Variants in HDAC4 observed in about 807,000 individuals in gnomAD.
The protein encoded by HDAC4 is histone deacetylase A.
A neutral mutation model predicts 135.1 loss-of-function variants in HDAC4; 16 were observed. The ratio of observed to expected loss-of-function variants is 0.12; its 90% confidence interval spans 0.08 to 0.18. HDAC4 has a LOEUF of 0.18. Among genes scored for constraint, HDAC4 ranks in the 10% least tolerant of loss-of-function variants. HDAC4 has a pLI of 1.00. For missense variants in HDAC4, 1,143 were observed against 1,511.8 expected, an observed-to-expected ratio of 0.76 and a Z score of 4.05; for synonymous variants, 685 against 653.4, an observed-to-expected ratio of 1.05 and a Z score of -0.74.
intron 1 of HDAC4, among the ~76,000 whole-genome samples, chr2:239,381,171 C>T (rs1157385486): frequency 5.9e-5 from 9 of 152,256 alleles, no homozygotes; most frequent in Non-Finnish European, 1.2e-4. Context: ...GACCGCCTTC[C>T]TCAATCACTA....
At chr2:239,205,318 AC>A (rs1355820021) in intron 3 of HDAC4, among the ~76,000 whole-genome samples, 2 of 152,322 alleles carry the variant, frequency 1.3e-5, no homozygotes, top group African/African-American at 4.8e-5. Context: ...TCAAAGCGAA[AC>A]AGCAGACCGC....
At chr2:239,170,428 T>G (rs2152988203) in intron 5 of HDAC4, among the ~76,000 whole-genome samples, 1 of 152,322 alleles carries the variant, frequency 6.6e-6, no homozygotes, top group East Asian at 1.9e-4. Flanking sequence ...TTGGAAAAAC[T>G]TCAAATCTAG....
chr2:239,192,612 A>G (rs1445157015), intron 3 of HDAC4, among the ~76,000 whole-genome samples: 1 of 152,122 alleles, frequency 6.6e-6, no homozygotes, highest in Non-Finnish European at 1.5e-5. Flanking sequence ...CGGCTCTCAC[A>G]AGCACGGCGG....
chr2:239,314,754 G>T (rs115147307), intron 2 of HDAC4, among the ~76,000 whole-genome samples: 6 of 152,168 alleles, frequency 3.9e-5, no homozygotes, highest in Admixed American at 3.3e-4. Context: ...AGCTGGAGAC[G>T]TTAGAGGACT....
At chr2:239,061,217 TG>T (rs1372982401) in intron 24 of HDAC4, among the ~76,000 whole-genome samples, 1 of 152,036 alleles carries the variant, frequency 6.6e-6, no homozygotes, top group Non-Finnish European at 1.5e-5. Context: ...TGTGCGTGTG[TG>T]GTGTGTGTGT....
At chr2:239,372,988 T>G (rs1694741481) in intron 1 of HDAC4, among the ~76,000 whole-genome samples, 1 of 152,096 alleles carries the variant, frequency 6.6e-6, no homozygotes, top group Non-Finnish European at 1.5e-5. Flanking sequence ...TAGCCAAGCA[T>G]TCTCCCACTC....
rs777143036 is a variant in HDAC4 at position 239,331,852 on chromosome 2, G to A, written c.22+20826C>T. Reference sequence around the variant, plus strand: ...AGAGGCTGAGGAGCGGAGCAGCACCGGACGGCTCGGACCCTGGGAAACGAA... The same window carrying A: ...AGAGGCTGAGGAGCGGAGCAGCACCAGACGGCTCGGACCCTGGGAAACGAA... On this transcript the variant is annotated intron_variant, in intron 2 of 26. Transcript: ENST00000543185. This position sits in a 1 kb window ranked among gnomAD's most constrained non-coding sequence, Gnocchi z 4.5. Among the ~76,000 whole-genome samples, 5 of 152,164 alleles carry A rather than the reference G, an allele frequency of 3.3e-5. No homozygotes were observed. Among genetic ancestry groups the A allele is most frequent in the Non-Finnish European group, 4.4e-5 (3 of 68,024 alleles).
chr2:239,323,117 C>T (rs148828177), intron 2 of HDAC4, among the ~76,000 whole-genome samples: 4,595 of 152,244 alleles, frequency 0.03, 78 homozygotes, highest in Middle Eastern at 0.092. Context: ...CAACAATGCT[C>T]GCTGAGGTGT....
intron 2 of HDAC4, among the ~76,000 whole-genome samples, chr2:239,254,486 G>A (rs2048951025): frequency 6.6e-6 from 1 of 151,662 alleles, no homozygotes; most frequent in Non-Finnish European, 1.5e-5. Context: ...AATGGGAGAT[G>A]AGAAGTTTTT....
At chr2:239,089,105 C>T (rs1191070378) in intron 18 of HDAC4, among the ~76,000 whole-genome samples, 1 of 152,152 alleles carries the variant, frequency 6.6e-6, no homozygotes, top group African/African-American at 2.4e-5. Context: ...CAAGACACTA[C>T]CACTTGCTGA....
chr2:239,375,976 C>G (rs1694977491), intron 1 of HDAC4, among the ~76,000 whole-genome samples: 1 of 152,244 alleles, frequency 6.6e-6, no homozygotes, highest in South Asian at 2.1e-4. Context: ...TGCTGGACGC[C>G]CTGGGGCCAG....
intron 4 of HDAC4, among the ~76,000 whole-genome samples, chr2:239,182,732 G>A (rs75809594): frequency 8.5e-4 from 129 of 152,302 alleles, no homozygotes; most frequent in East Asian, 6.2e-3. Flanking sequence ...AAGCTGAGAC[G>A]TCAGGCCTGT....
Position 239,272,699 on chromosome 2 carries a change from A to G in HDAC4, c.23-36035T>C, listed in dbSNP as rs1238646177. ...CAAACCCAGCATCGGAACCTCTCGC[A>G]GCCAACCATCTGCACTCACCCCCAA... On this transcript the variant is annotated intron_variant, in intron 2 of 26. Coordinates refer to ENST00000543185, the MANE Select transcript of HDAC4 (RefSeq NM_001378414.1). Among the ~76,000 whole-genome samples the G allele has an allele frequency of 2.0e-5, 3 of 152,218 alleles. No homozygotes were observed. In the East Asian group the frequency reaches 5.8e-4, roughly 29 times the overall value.
In HDAC4 at chr2:239,262,239, G is replaced by C. The variant is rs1277892373; in HGVS notation, c.23-25575C>G. Among the ~76,000 whole-genome samples, 3 of 152,150 alleles carry C rather than the reference G, an allele frequency of 2.0e-5. No individual in the cohort carries two copies. The highest frequency in any genetic ancestry group is 7.2e-5 in the African/African-American group (3 of 41,414). ...TTTCCTCCTGTGGTGTCTCCTTGGG[G>C]GAATCCTAAATTTCTGTGATGTGAG... On this transcript the variant is annotated intron_variant, in intron 2 of 26. Coordinates refer to ENST00000543185, the MANE Select transcript of HDAC4 (RefSeq NM_001378414.1). This position sits in a 1 kb window ranked among gnomAD's most constrained non-coding sequence, Gnocchi z 4.1.
At chr2:239,085,733 T>C (rs1458613263) in intron 19 of HDAC4, 1 of 152,024 alleles carries the variant, frequency 6.6e-6, no homozygotes, top group Non-Finnish European at 1.5e-5. Context: ...GACACTCTGC[T>C]CTAACACGCG....
chr2:239,261,657 A>T (rs1255116273), intron 2 of HDAC4, among the ~76,000 whole-genome samples: 2 of 152,220 alleles, frequency 1.3e-5, no homozygotes, highest in Non-Finnish European at 2.9e-5. Flanking sequence ...ACAAGGCTGG[A>T]CAAGGGGTCT....
At chr2:239,105,026 T>A (rs1466316928) in intron 15 of HDAC4, among the ~76,000 whole-genome samples, 1 of 152,236 alleles carries the variant, frequency 6.6e-6, no homozygotes, top group Non-Finnish European at 1.5e-5. Flanking sequence ...TGGCTCAGGC[T>A]GTAGCGTGCA....
At chr2:239,325,075 T>C (rs1460008702) in intron 2 of HDAC4, among the ~76,000 whole-genome samples, 2 of 152,176 alleles carry the variant, frequency 1.3e-5, no homozygotes, top group Non-Finnish European at 2.9e-5. Flanking sequence ...CCTCATACCA[T>C]ATGCAAAACT....
chr2:239,087,928 G>A (rs544494575), intron 18 of HDAC4, among the ~76,000 whole-genome samples: 9 of 152,262 alleles, frequency 5.9e-5, no homozygotes, highest in East Asian at 1.9e-4. Flanking sequence ...CTCAGGGGTC[G>A]GGGTGATGTG....
Sources: gnomAD v4.1 joint callset for allele counts (sites outside exome capture counted in the v4.1 genomes callset) on GRCh38, gnomAD v4.1.1 for gene constraint, Gnocchi (gnomAD v3.1) non-coding constraint, MANE v1.5 for transcripts, NCBI Gene and HGNC (gene_info 2026-07-23, HGNC 2026-07-21) for gene names.